Variants in NFATC2 observed in about 807,000 individuals in gnomAD.
NFATC2 encodes nuclear factor of activated T cells 2, also known as nuclear factor of activated T-cells, cytoplasmic 2.
NFATC2 carries 22 observed loss-of-function variants against 87.3 expected under a neutral mutation model. The ratio of observed to expected loss-of-function variants is 0.25; its 90% confidence interval spans 0.18 to 0.36. The LOEUF (loss-of-function observed/expected upper bound fraction) is 0.36, where lower values mean the gene tolerates loss of function less well. Ranked by LOEUF, NFATC2 falls within the 10% of genes least tolerant of loss-of-function variation. NFATC2 has a pLI of 1.00. For synonymous variants in NFATC2, 565 were observed against 542.2 expected, an observed-to-expected ratio of 1.04 and a Z score of -0.58; for missense variants, 1,149 against 1,259.1, an observed-to-expected ratio of 0.91 and a Z score of 1.32.
At chr20:51,405,696 CCCCAGCACCTAGGACAGAG>C (rs373666302) in intron 9 of NFATC2, among the ~76,000 whole-genome samples, 9 of 152,286 alleles carry the variant, frequency 5.9e-5, no homozygotes, top group African/African-American at 2.2e-4. Context: ...ACTGCTGTAT[CCCCAGCACCTAGGACAGAG>C]CCCAGCACAT....
At chr20:51,434,720 G>T (rs570036358) in intron 8 of NFATC2, among the ~76,000 whole-genome samples, 1 of 152,162 alleles carries the variant, frequency 6.6e-6, no homozygotes, top group Non-Finnish European at 1.5e-5. Context: ...GCTGTACTTT[G>T]TGGGAATGAG....
chr20:51,517,592 CAA>C (rs542579510), intron 2 of NFATC2, among the ~76,000 whole-genome samples: 6 of 136,060 alleles, frequency 4.4e-5, no homozygotes, highest in African/African-American at 2.7e-5. Context: ...GACCCTGTCT[CAA>C]AAAAAAAAAA....
chr20:51,451,200 G>A (rs953057380), intron 6 of NFATC2, among the ~76,000 whole-genome samples: 3 of 152,176 alleles, frequency 2.0e-5, no homozygotes, highest in South Asian at 4.1e-4. Context: ...AGGACAGCTC[G>A]GGGGAGCTGT....
intron 5 of NFATC2, among the ~76,000 whole-genome samples, chr20:51,468,329 A>G (rs1469614861): frequency 6.6e-6 from 1 of 152,064 alleles, no homozygotes; most frequent in Non-Finnish European, 1.5e-5. Context: ...AAAAATATAT[A>G]TATATGTCAC....
At chr20:51,544,144 T>A (rs952534949), upstream of NFATC2, among the ~76,000 whole-genome samples, 1 of 151,898 alleles carries the variant, frequency 6.6e-6, no homozygotes, top group Non-Finnish European at 1.5e-5. Flanking sequence ...CCAGCCACCA[T>A]GCCTGGCTAC....
chr20:51,545,086 T>G (rs2076878254), upstream of NFATC2, among the ~76,000 whole-genome samples: 1 of 152,184 alleles, frequency 6.6e-6, no homozygotes, highest in South Asian at 2.1e-4. Context: ...AAGAGATGGA[T>G]TCTTCTGGGT....
intron 1 of NFATC2, among the ~76,000 whole-genome samples, chr20:51,526,558 G>A (rs963712097): frequency 9.9e-5 from 15 of 152,268 alleles, no homozygotes; most frequent in South Asian, 6.2e-4. Flanking sequence ...AACATTTGCC[G>A]AGTGGCTGAG....
intron 8 of NFATC2, among the ~76,000 whole-genome samples, chr20:51,434,982 A>G (rs1983343766): frequency 6.6e-6 from 1 of 152,196 alleles, no homozygotes; most frequent in Admixed American, 6.5e-5. Context: ...ACATCAGCTT[A>G]CTTTGCACTG....
chr20:51,443,611 T>C (rs228832), intron 6 of NFATC2, among the ~76,000 whole-genome samples: 97,250 of 152,008 alleles, frequency 0.64, 33,045 homozygotes, highest in Non-Finnish European at 0.75. Flanking sequence ...CCCAGTGCCA[T>C]TGACCAGAAG....
At chr20:51,493,226 A>G (rs1378783192) in intron 3 of NFATC2, among the ~76,000 whole-genome samples, 1 of 152,218 alleles carries the variant, frequency 6.6e-6, no homozygotes, top group East Asian at 1.9e-4. Context: ...CATGTGTCAC[A>G]TAGAAAAAAG....
intron 2 of NFATC2, among the ~76,000 whole-genome samples, chr20:51,517,541 G>A (rs1011854339): frequency 5.9e-5 from 9 of 151,734 alleles, no homozygotes; most frequent in African/African-American, 1.7e-4. Flanking sequence ...GCAATGAGCT[G>A]TGATTGCACC....
In NFATC2 at chr20:51,561,358, AAAAGAAAGAAAGAGAGAGAAAAG is replaced by A. The variant is rs1568765039; in HGVS notation, c.70+1179_70+1201del. On this transcript the variant is annotated intron_variant, in intron 1 of 10. Coordinates refer to the NFATC2 transcript ENST00000414705. ...AAAAAAGAAAGAAAGAGAGAGAAAG[AAAAGAAAGAAAGAGAGAGAAAAG>A]AAAGAAAGAAAGAGAGAGAAAGAAA... Among the ~76,000 whole-genome samples, 4 of 148,852 alleles carry A rather than the reference AAAAGAAAGAAAGAGAGAGAAAAG, an allele frequency of 2.7e-5. No homozygotes were observed. The East Asian group carries it at 7.9e-4, about 30-fold the overall frequency.
intron 3 of NFATC2, among the ~76,000 whole-genome samples, chr20:51,487,316 A>G (rs1248931318): frequency 6.6e-6 from 1 of 152,272 alleles, no homozygotes; most frequent in East Asian, 1.9e-4. Context: ...TTCAGAACAC[A>G]TTGATAAGAC....
Position 51,389,908 on chromosome 20 carries a change from C to G in NFATC2, c.*1588G>C, listed in dbSNP as rs1031712038. ...AAACACTCTAAGTACAGTCTGAGTG[C>G]TAAGAATATTTTCACTTTGCTGCGG... On this transcript the variant is annotated 3_prime_UTR_variant, in exon 11 of 11. Coordinates refer to ENST00000371564, the MANE Select transcript of NFATC2 (RefSeq NM_012340.5). 1 of 152,146 alleles carries G rather than the reference C, an allele frequency of 6.6e-6. No homozygotes were observed. The highest frequency in any genetic ancestry group is 6.5e-5 in the Admixed American group (1 of 15,278). 9.4% of individuals were successfully genotyped at this position (152,146 alleles called of 1,614,324 possible).
chr20:51,445,821 G>C (rs2146392756), intron 6 of NFATC2, among the ~76,000 whole-genome samples: 1 of 152,326 alleles, frequency 6.6e-6, no homozygotes, highest in South Asian at 2.1e-4. Context: ...AATGAACATG[G>C]AAGCACCGGG....
chr20:51,499,863 A>G (rs1480592752), intron 3 of NFATC2, among the ~76,000 whole-genome samples: 1 of 152,158 alleles, frequency 6.6e-6, no homozygotes, highest in East Asian at 1.9e-4. Flanking sequence ...TTTCATTTGT[A>G]AGATAGTAGA....
At chr20:51,494,125 C>T (rs1056645772) in intron 3 of NFATC2, among the ~76,000 whole-genome samples, 4 of 151,936 alleles carry the variant, frequency 2.6e-5, no homozygotes, top group Admixed American at 2.0e-4. Context: ...TCAGGCAGCT[C>T]GGTCACCGTT....
chr20:51,561,484 A>AAAGAAAGCAAGC (rs2077029945), intron 1 of NFATC2, among the ~76,000 whole-genome samples: 87 of 90,026 alleles, frequency 9.7e-4, no homozygotes, highest in East Asian at 3.3e-3. Context: ...AGAAAGAAAG[A>AAAGAAAGCAAGC]AAGCAAGCAA....
chr20:51,491,103 C>T (rs1227782724), intron 3 of NFATC2, among the ~76,000 whole-genome samples: 1 of 152,160 alleles, frequency 6.6e-6, no homozygotes, highest in Admixed American at 6.5e-5. Context: ...AGTACCACTG[C>T]CTGCCCACAA....
Sources: gnomAD v4.1 joint callset for allele counts (sites outside exome capture counted in the v4.1 genomes callset) on GRCh38, gnomAD v4.1.1 for gene constraint, MANE v1.5 for transcripts, NCBI Gene and HGNC (gene_info 2026-07-23, HGNC 2026-07-21) for gene names.